The following ETF1 variants were observed in gnomAD, a reference collection of about 807,000 sequenced individuals.
The protein encoded by ETF1 is eukaryotic peptide chain release factor subunit 1.
Under a neutral mutation model 55.1 loss-of-function variants are expected in ETF1, and 4 were observed. The observed-to-expected ratio is 0.07, with a 90% CI of 0.04 to 0.17. The LOEUF (loss-of-function observed/expected upper bound fraction) is 0.17, where lower values mean the gene tolerates loss of function less well. Among genes scored for constraint, ETF1 ranks in the 10% least tolerant of loss-of-function variants. The probability of loss-of-function intolerance (pLI) is 1.00; values close to 1 mark genes in which losing one functional copy is unlikely to be tolerated. For synonymous variants in ETF1, 157 were observed against 182.3 expected, an observed-to-expected ratio of 0.86 and a Z score of 1.12; for missense variants, 142 against 523.6, an observed-to-expected ratio of 0.27 and a Z score of 7.11.
chr5:138,542,557 G>A (rs976207001), intron 2 of ETF1: 3 of 1,263,266 alleles, frequency 2.4e-6, no homozygotes, highest in African/African-American at 1.5e-5. Context: ...TTAAGGGCCC[G>A]GGAGAGGTGC....
chr5:138,532,510 G>C (rs1361702031), intron 2 of ETF1, among the ~76,000 whole-genome samples: 2 of 152,160 alleles, frequency 1.3e-5, no homozygotes, highest in East Asian at 1.9e-4. Flanking sequence ...TCTAGTTCTT[G>C]ACTATCGCCT....
chr5:138,510,307 G>A (rs1434415649), intron 9 of ETF1, among the ~76,000 whole-genome samples: 2 of 137,544 alleles, frequency 1.5e-5, no homozygotes, highest in Non-Finnish European at 1.5e-5. Context: ...GCAGCGAGCC[G>A]AGATCATGCC....
intron 2 of ETF1, among the ~76,000 whole-genome samples, chr5:138,521,344 G>A (rs776472065): frequency 6.6e-6 from 1 of 152,144 alleles, no homozygotes; most frequent in Non-Finnish European, 1.5e-5. Context: ...CTAGGCAGTT[G>A]TTTAATAGTT....
At chr5:138,541,450 C>T (rs1480443979) in intron 2 of ETF1, 2 of 1,186,986 alleles carry the variant, frequency 1.7e-6, no homozygotes, top group African/African-American at 1.5e-5. Flanking sequence ...TGGGGCCAAA[C>T]TTTTAGAAGC....
chr5:138,542,567 CAA>C, intron 2 of ETF1: 1 of 1,328,550 alleles, frequency 7.5e-7, no homozygotes, highest in Non-Finnish European at 9.8e-7. Flanking sequence ...GGGAGAGGTG[CAA>C]AAGTAGCGGT....
At chr5:138,517,108 T>A (rs1765051801) in intron 4 of ETF1, among the ~76,000 whole-genome samples, 2 of 152,144 alleles carry the variant, frequency 1.3e-5, no homozygotes, top group Non-Finnish European at 2.9e-5. Flanking sequence ...GGGTTGCTCA[T>A]GCCTGTAATC....
At chr5:138,542,599 C>T in intron 2 of ETF1, 1 of 1,400,156 alleles carries the variant, frequency 7.1e-7, no homozygotes, top group Non-Finnish European at 9.3e-7. Context: ...CGAGGGGGGC[C>T]GAGTGATCTA....
Position 138,512,244 on chromosome 5 carries a change from ATATATATATATATATTTTTTTTTTT to A in ETF1, c.732+495_732+519del, listed in dbSNP as rs1291112846. ...AAAAAAAATATATATATATATATAT[ATATATATATATATATTTTTTTTTTT>A]TTTTAAAGGCAATTTCTTTGGTGGA... On this transcript the variant is annotated intron_variant, in intron 6 of 10. Coordinates refer to ENST00000360541, the MANE Select transcript of ETF1 (RefSeq NM_004730.4). Among the ~76,000 whole-genome samples, 29 of 7,292 alleles carry A rather than the reference ATATATATATATATATTTTTTTTTTT, an allele frequency of 4.0e-3. 6 individuals carry two copies. In the East Asian group the frequency reaches 0.25, roughly 63 times the overall value. The allele number at this position is 7,292 out of a possible 152,430, so 4.8% of individuals were successfully genotyped here. A position where few individuals can be genotyped will look rare whatever the true frequency, so the allele number is the denominator to read the frequency against.
chr5:138,529,157 C>G (rs779045596), intron 2 of ETF1, among the ~76,000 whole-genome samples: 9 of 151,560 alleles, frequency 5.9e-5, no homozygotes, highest in Non-Finnish European at 1.0e-4. Flanking sequence ...CAACAAAAAC[C>G]AAAACCAAAC....
At chr5:138,531,578 C>T (rs547695473) in intron 2 of ETF1, among the ~76,000 whole-genome samples, 3 of 152,292 alleles carry the variant, frequency 2.0e-5, no homozygotes, top group South Asian at 2.1e-4. Flanking sequence ...GGACCAGGAA[C>T]GTTTTAGACA....
At chr5:138,519,116 A>G in intron 2 of ETF1, 3 of 984,570 alleles carry the variant, frequency 3.0e-6, no homozygotes, top group Non-Finnish European at 3.6e-6. Flanking sequence ...ACACTTGGAG[A>G]GATACTTGAG....
At chr5:138,529,600 CTCT>C (rs1479398821) in intron 2 of ETF1, 2 of 985,326 alleles carry the variant, frequency 2.0e-6, no homozygotes, top group Non-Finnish European at 2.4e-6. Flanking sequence ...CACTCAGATT[CTCT>C]TCTTGTTCTC....
rs1414356016 is a variant in ETF1 at position 138,508,318 on chromosome 5, A to G, written c.1301T>C (p.Leu434Pro). ...CATGTCGACTACCTAGTAGTCATCAAGGTCAAAAAATTCATCGTCTCCTCC... is the reference window on the plus strand; with the variant it reads ...CATGTCGACTACCTAGTAGTCATCAGGGTCAAAAAATTCATCGTCTCCTCC... ...YQGGDDEFFD[L>P]DDY The change falls in exon 11 of 11, where the codon CTT (leucine) becomes CCT (proline). Residue 434 changes from leucine to proline, a missense_variant. This residue lies in a region of ETF1 where 82 missense variants were observed against 232.9 expected (regional missense o/e 0.35). Coordinates refer to ENST00000360541, the MANE Select transcript of ETF1 (RefSeq NM_004730.4). The G allele has an allele frequency of 1.2e-6, 2 of 1,613,902 alleles. No individual in the cohort carries two copies. The highest frequency in any genetic ancestry group is 1.1e-5 in the South Asian group (1 of 91,030).
intron 2 of ETF1, among the ~76,000 whole-genome samples, chr5:138,531,626 T>C (rs1765704029): frequency 6.6e-6 from 1 of 152,238 alleles, no homozygotes; most frequent in Non-Finnish European, 1.5e-5. Flanking sequence ...GTACAGTACA[T>C]GCTCCCCAAG....
chr5:138,512,618 A>G, intron 6 of ETF1, 146 bp downstream of exon 6: 2 of 598,326 alleles, frequency 3.3e-6, no homozygotes, highest in Non-Finnish European at 5.4e-6. Context: ...TTTCCTGATA[A>G]ACATCTGTAA....
chr5:138,524,224 A>G (rs1765360030), intron 2 of ETF1, among the ~76,000 whole-genome samples: 1 of 151,356 alleles, frequency 6.6e-6, no homozygotes, highest in South Asian at 2.1e-4. Flanking sequence ...ATGGTGGCAC[A>G]CGCCTGTAAT....
Position 138,536,342 on chromosome 5 carries a change from T to C in ETF1, c.86+6491A>G, listed in dbSNP as rs1263785627. On this transcript the variant is annotated intron_variant, in intron 2 of 10. Transcript: ENST00000360541. ...GAACCAGTTGCCAGGCACCTGAAAA[T>C]GTCAAGTCCTCTGAACCTGAAAGGA... Among the ~76,000 whole-genome samples the C allele has an allele frequency of 4.6e-5, 7 of 152,222 alleles. No individual in the cohort carries two copies. In the East Asian group the frequency reaches 1.3e-3, roughly 29 times the overall value.
chr5:138,541,955 TTTC>T (rs1766197565), intron 2 of ETF1, among the ~76,000 whole-genome samples: 3 of 152,082 alleles, frequency 2.0e-5, no homozygotes, highest in Admixed American at 6.5e-5. Context: ...ACACCTACAG[TTTC>T]TTATCAAAAT....
chr5:138,523,281 C>T (rs1005502206), intron 2 of ETF1, among the ~76,000 whole-genome samples: 3 of 151,550 alleles, frequency 2.0e-5, no homozygotes, highest in Non-Finnish European at 2.9e-5. Flanking sequence ...GCAGGAGAAT[C>T]GCTTGAACCC....
Sources: allele counts gnomAD v4.1 joint callset (sites outside exome capture counted in the v4.1 genomes callset), GRCh38; gene constraint gnomAD v4.1.1; regional missense constraint gnomAD v4.1.1; transcripts MANE v1.5; gene names NCBI Gene and HGNC (gene_info 2026-07-23, HGNC 2026-07-21).